FASN: variants seen among roughly 807,000 people sequenced by gnomAD.
FASN encodes the protein 3-hydroxyacyl-[acyl-carrier-protein] dehydratase.
In FASN, 50 loss-of-function variants were observed where a neutral mutation model predicts 250.0. That is an observed-to-expected ratio of 0.20 (90% CI 0.16 to 0.25). The LOEUF (loss-of-function observed/expected upper bound fraction) is 0.25, where lower values mean the gene tolerates loss of function less well. Ranked by LOEUF, FASN falls within the 10% of genes least tolerant of loss-of-function variation. FASN has a pLI of 1.00. For synonymous variants in FASN, 1,909 were observed against 1,584.0 expected, an observed-to-expected ratio of 1.21 and a Z score of -4.87; for missense variants, 3,031 against 3,498.5, an observed-to-expected ratio of 0.87 and a Z score of 3.37.
rs1175692236 is a variant in FASN at position 82,086,539 on chromosome 17, C to G, written c.3447G>C (p.Gln1149His). The G allele has an allele frequency of 6.2e-7, 1 of 1,611,552 alleles. No homozygotes were observed. Among genetic ancestry groups the G allele is most frequent in the Non-Finnish European group, 8.5e-7 (1 of 1,179,888 alleles). The change falls in exon 22 of 43, where the codon CAG becomes CAC. Residue 1149 changes from glutamine (Q) to histidine (H), a missense_variant. Coordinates refer to ENST00000306749, the MANE Select transcript of FASN (RefSeq NM_004104.5). Reference protein sequence around the residue: ...QLCKGLVQALQTKVTQQGLKM... With the variant: ...QLCKGLVQALHTKVTQQGLKM... ...TCAGCCCCTGCTGGGTCACCTTGGTCTGCAGTGCCTGCACCAGCCCTGGGG... is the reference window on the plus strand; with the variant it reads ...TCAGCCCCTGCTGGGTCACCTTGGTGTGCAGTGCCTGCACCAGCCCTGGGG...
Position 82,081,911 on chromosome 17 carries a change from G to A in FASN, c.6164-68C>T. On this transcript the variant is annotated intron_variant, in intron 36 of 42. Coordinates refer to ENST00000306749, the MANE Select transcript of FASN (RefSeq NM_004104.5). ...GGGTGGGGAGTGGCCACTGGGAGAG[G>A]GTGGGGTGGGCAGGGCTGCGGGGAG... 1.3e-5 allele frequency: 5 copies of A among 399,602 alleles called. No homozygotes were observed. In the East Asian group the frequency reaches 2.6e-4, roughly 21 times the overall value. The allele number at this position is 399,602 out of a possible 1,614,324, so 24.8% of individuals were successfully genotyped here.
chr17:82,085,784 C>G lies in FASN; in HGVS notation c.3820G>C (p.Asp1274His). Residue 1274 changes from aspartate to histidine, a missense_variant, in exon 23 of 43, where the codon GAC becomes CAC. By Grantham distance (81) the Asp-to-His change is moderately conservative (BLOSUM62 -1). Coordinates refer to ENST00000306749, the MANE Select transcript of FASN (RefSeq NM_004104.5). ...GCCTCCAGGGCCTGGGGGTGGCGGT[C>G]GGTGGCCGTGTAGCTCAGCTGCAGC... ...PLLQLSYTAT[D>H]RHPQALEAAQ... The G allele has an allele frequency of 6.4e-7, 1 of 1,562,658 alleles. No individual in the cohort carries two copies. Among genetic ancestry groups the G allele is most frequent in the African/African-American group, 1.4e-5 (1 of 73,946 alleles).
chr17:82,086,717 G>A (rs1356467229), intron 21 of FASN, among the ~76,000 whole-genome samples, 159 bp from the exon 22 acceptor site: 1 of 152,232 alleles, frequency 6.6e-6, no homozygotes, highest in East Asian at 1.9e-4. Flanking sequence ...CCACCACTGG[G>A]AGGCTGACTC....
chr17:82,095,348 T>C lies in FASN; in HGVS notation c.252A>G (p.Glu84=). 1.9e-6 allele frequency: 3 copies of C among 1,612,948 alleles called. No individual in the cohort carries two copies. Among genetic ancestry groups the C allele is most frequent in the South Asian group, 1.1e-5 (1 of 91,088 alleles). Residue 84 remains glutamate (E), a synonymous_variant, in exon 3 of 43, where the codon GAA becomes GAG. Transcript: ENST00000306749. ...TMDPQLRLLL[E]VTYEAIVDGG... is the part of the protein sequence containing the mutation. ...CGTCCACGATGGCTTCATAGGTGAC[T>C]TCCAGCAGCAGCCGCAGCTGAGGGT...
rs146170446 is a variant in FASN, at chr17:82,088,454, G to A, written c.2529C>T (p.Asp843=). 62 of 1,611,768 alleles carry A rather than the reference G, an allele frequency of 3.8e-5. No individual in the cohort carries two copies. The highest frequency in any genetic ancestry group is 2.4e-4 in the African/African-American group (18 of 75,022). ...LIKWDHSLAW[D]VPAAEDFPNG... is the part of the protein sequence containing the mutation. The stretch of plus-strand genomic sequence containing the variant: ...TGGGGAAGTCCTCGGCGGCCGGCAC[G>A]TCCCAGGCCAGGCTGTGGTCCCACT... Residue 843 remains aspartate (D), a synonymous_variant, in exon 16 of 43, where the codon GAC becomes GAT. Coordinates refer to ENST00000306749, the MANE Select transcript of FASN (RefSeq NM_004104.5).
In FASN at chr17:82,081,815, G is replaced by A. The variant is rs760546489; in HGVS notation, c.6192C>T (p.Gly2064=). ...PGLAVQWGAI[G]DVGILVETMS... ...TCGTCTCCACCAAAATGCCCACGTC[G>A]CCGATGGCGCCCCACTGCACGGCCA... Residue 2064 remains glycine (G), a synonymous_variant, in exon 37 of 43, where the codon GGC becomes GGT. Transcript: ENST00000306749. The A allele has an allele frequency of 1.4e-5, 23 of 1,610,496 alleles. No homozygotes were observed. The highest frequency in any genetic ancestry group is 2.2e-5 in the South Asian group (2 of 91,034).
chr17:82,096,819 T>A, intron 1 of FASN: 2 of 352,080 alleles, frequency 5.7e-6, no homozygotes, highest in South Asian at 4.7e-5. Context: ...TCCTGGAGCT[T>A]GTCCCAGGCC....
intron 3 of FASN, 108 bp downstream of exon 3, chr17:82,095,212 T>G (rs1598585190): frequency 7.5e-7 from 1 of 1,326,696 alleles, no homozygotes; most frequent in South Asian, 1.2e-5. Context: ...CCGGGGAGGG[T>G]AGGTGGTGCC....
At chr17:82,092,169 C>T (rs1423119784) in intron 8 of FASN, among the ~76,000 whole-genome samples, 2 of 152,170 alleles carry the variant, frequency 1.3e-5, no homozygotes, top group African/African-American at 2.4e-5. Flanking sequence ...GCTCCTGCCT[C>T]GCTCTTCCCA....
At chr17:82,093,974 GC>G in intron 3 of FASN, 1 of 634,896 alleles carries the variant, frequency 1.6e-6, no homozygotes, top group Non-Finnish European at 2.8e-6. Flanking sequence ...GTGGCCAGCA[GC>G]CAGCCCAGGT....
rs1203944826 is a variant in FASN at position 82,082,512 on chromosome 17, G to A, written c.5919+15C>T. ...CTTGGGGCTTTTGAGGGCCCCATTT[G>A]GGGCCTTCCCTCACCACGGCCAGGT... On this transcript the variant is annotated intron_variant, in intron 34 of 42. Coordinates refer to ENST00000306749, the MANE Select transcript of FASN (RefSeq NM_004104.5). 3 of 1,609,142 alleles carry A rather than the reference G, an allele frequency of 1.9e-6. No homozygotes were observed. Among genetic ancestry groups the A allele is most frequent in the Non-Finnish European group, 2.5e-6 (3 of 1,179,820 alleles).
chr17:82,088,167 C>A lies in FASN; in HGVS notation c.2734G>T (p.Val912Leu). 6.2e-7 allele frequency: 1 copy of A among 1,612,794 alleles called. No individual in the cohort carries two copies. The highest frequency in any genetic ancestry group is 8.5e-7 in the Non-Finnish European group (1 of 1,179,998). The change falls in exon 17 of 43, where the codon GTG (valine) becomes TTG (leucine). Residue 912 changes from valine (V) to leucine (L), a missense_variant. Physicochemically the swap from Val to Leu is conservative, Grantham distance 32. Transcript: ENST00000306749. ...TGCAGCACCACATCCTCAAACACCA[C>A]AGGCAGCTGCTCGACGCCCAGGCCC... Reference protein sequence around the residue: ...ALGLGVEQLPVVFEDVVLHQA... With the variant: ...ALGLGVEQLPLVFEDVVLHQA...
chr17:82,082,959 C>T lies in FASN; in HGVS notation c.5722G>A (p.Gly1908Arg). 8.7e-6 allele frequency: 14 copies of T among 1,612,836 alleles called. No homozygotes were observed. Among genetic ancestry groups the T allele is most frequent in the Non-Finnish European group, 1.2e-5 (14 of 1,179,990 alleles). The part of the protein sequence containing the change: ...LELAQWLIQR[G>R]VQKLVLTSRS... ...GAAGTCAACACGAGCTTCTGCACCCCACGCTGTATCAGCCACTGCGCCAAC... is the reference window on the plus strand; with the variant it reads ...GAAGTCAACACGAGCTTCTGCACCCTACGCTGTATCAGCCACTGCGCCAAC... Residue 1908 changes from glycine (G) to arginine (R), a missense_variant, in exon 33 of 43, where the codon GGG becomes AGG. By Grantham distance (125) the Gly-to-Arg change is moderately radical (BLOSUM62 -2). Coordinates refer to ENST00000306749, the MANE Select transcript of FASN (RefSeq NM_004104.5).
chr17:82,096,668 C>T (rs1430048298), intron 1 of FASN: 7 of 655,068 alleles, frequency 1.1e-5, no homozygotes, highest in East Asian at 2.9e-5. Flanking sequence ...GGAACAGGCC[C>T]GCCTCTGGGC....
rs187825086 is a variant in FASN, at chr17:82,088,943, G to A, written c.2304+26C>T. On this transcript the variant is annotated intron_variant, in intron 14 of 42. Transcript: ENST00000306749. ...GAGGCGCCCATCCCAGGCTCCCGGC[G>A]CCTGCTGCCCCCAGGCTGGGCCTAC... 1.6e-5 allele frequency: 25 copies of A among 1,607,874 alleles called. No individual in the cohort carries two copies. In the African/African-American group the frequency reaches 1.9e-4, roughly 12 times the overall value.
Position 82,080,155 on chromosome 17 carries a change from G to T in FASN, c.7131C>A (p.Asp2377Glu), listed in dbSNP as rs1162691878. 21 of 1,613,190 alleles carry T rather than the reference G, an allele frequency of 1.3e-5. No homozygotes were observed. Among genetic ancestry groups the T allele is most frequent in the Non-Finnish European group, 1.7e-5 (20 of 1,180,002 alleles). Residue 2377 changes from aspartate to glutamate, a missense_variant, in exon 41 of 43, where the codon GAC becomes GAA. By Grantham distance (45) the Asp-to-Glu change is conservative. Transcript: ENST00000306749. ...CAGGACCCACCCTGTTGTGCTCCAT[G>T]TCCGTGAACTGCTGCACGAAGAAGC... ...AICFFVQQFT[D>E]MEHNRVLEAL...
chr17:82,087,945 C>G lies in FASN; in HGVS notation c.2866+9G>C, dbSNP rs373351702. 1 of 1,612,666 alleles carries G rather than the reference C, an allele frequency of 6.2e-7. No homozygotes were observed. Among genetic ancestry groups the G allele is most frequent in the African/African-American group, 1.3e-5 (1 of 75,028 alleles). ...CCTCCGCAGCTCCCGTGCCACCGGC[C>G]CTGCTTACCACTCACTACCAGGTTG... On this transcript the variant is annotated intron_variant, in intron 18 of 42. Coordinates refer to ENST00000306749, the MANE Select transcript of FASN (RefSeq NM_004104.5).
chr17:82,083,503 G>A lies in FASN; in HGVS notation c.5341+14C>T, dbSNP rs779424784. The A allele has an allele frequency of 2.9e-5, 46 of 1,612,628 alleles. No homozygotes were observed. The Admixed American group carries it at 4.8e-4, about 17-fold the overall frequency. On this transcript the variant is annotated intron_variant, in intron 31 of 42. Coordinates refer to ENST00000306749, the MANE Select transcript of FASN (RefSeq NM_004104.5). ...CATCCATGCCCACCCCCGCCCAGGC[G>A]CTGCCGGCCTCACCGAGCGGGTGGT...
Position 82,090,480 on chromosome 17 carries a change from A to G in FASN, c.1765T>C (p.Tyr589His). The G allele has an allele frequency of 6.2e-7, 1 of 1,610,026 alleles. No individual in the cohort carries two copies. The highest frequency in any genetic ancestry group is 1.1e-5 in the South Asian group (1 of 90,650). Reference protein sequence around the residue: ...GHSLGEVACGYADGCLSQEEA... With the variant: ...GHSLGEVACGHADGCLSQEEA... Reference sequence around the variant, plus strand: ...TCCTGGGACAGGCAGCCGTCGGCGTAGCCACAGGCCACCTCCCCCAGGGAG... The same window carrying G: ...TCCTGGGACAGGCAGCCGTCGGCGTGGCCACAGGCCACCTCCCCCAGGGAG... The change falls in exon 11 of 43, where the codon TAC becomes CAC. Residue 589 changes from tyrosine (Y) to histidine (H), a missense_variant. Tyr to His is a moderately conservative substitution (Grantham distance 83). Coordinates refer to ENST00000306749, the MANE Select transcript of FASN (RefSeq NM_004104.5).
Sources: allele counts gnomAD v4.1 joint callset (sites outside exome capture counted in the v4.1 genomes callset), GRCh38; gene constraint gnomAD v4.1.1; transcripts MANE v1.5; gene names NCBI Gene and HGNC (gene_info 2026-07-23, HGNC 2026-07-21).